Variants in RANBP2 observed in about 807,000 individuals in gnomAD.
RANBP2 encodes RAN binding protein 2.
Under a neutral mutation model 303.6 loss-of-function variants are expected in RANBP2, and 57 were observed. That is an observed-to-expected ratio of 0.19 (90% CI 0.15 to 0.23). The LOEUF (loss-of-function observed/expected upper bound fraction) is 0.23. Among genes scored for constraint, RANBP2 ranks in the 10% least tolerant of loss-of-function variants. RANBP2 has a pLI of 1.00. For missense variants in RANBP2, 3,138 were observed against 3,780.8 expected (o/e 0.83, Z 4.46); for synonymous variants, 1,167 against 1,301.5 (o/e 0.90, Z 2.23).
the RANBP2 span, among the ~76,000 whole-genome samples, chr2:109,723,543 A>G: frequency 3.3e-5 from 5 of 151,914 alleles, no homozygotes; most frequent in South Asian, 6.2e-4. Flanking sequence ...TTTTTTTCAT[A>G]TATTTGTTGG....
At chr2:109,479,810 A>G in the RANBP2 span, among the ~76,000 whole-genome samples, 4 of 152,270 alleles carry the variant, frequency 2.6e-5, no homozygotes, top group African/African-American at 7.2e-5. Context: ...CAGACCCCCA[A>G]AACCATCCAC....
the RANBP2 span, among the ~76,000 whole-genome samples, chr2:109,707,578 C>T: frequency 1.3e-5 from 2 of 152,198 alleles, no homozygotes; most frequent in East Asian, 3.9e-4. Flanking sequence ...CAGATTCCTC[C>T]ACCACCCGCC....
chr2:109,343,794 G>C, the RANBP2 span, among the ~76,000 whole-genome samples: 3 of 151,698 alleles, frequency 2.0e-5, no homozygotes, highest in Non-Finnish European at 4.4e-5. Context: ...ACCTAGGCTG[G>C]AGTGCAGTGG....
the RANBP2 span, among the ~76,000 whole-genome samples, chr2:109,322,165 G>A: frequency 6.6e-6 from 1 of 152,176 alleles, no homozygotes; most frequent in African/African-American, 2.4e-5. Context: ...GACAAGACAC[G>A]GATACACAGG....
At chr2:109,456,876 G>C in the RANBP2 span, among the ~76,000 whole-genome samples, 2 of 152,226 alleles carry the variant, frequency 1.3e-5, no homozygotes, top group Admixed American at 1.3e-4. Flanking sequence ...GGGGAGAATA[G>C]CCTAGGGCTC....
chr2:109,505,152 A>AT, the RANBP2 span, among the ~76,000 whole-genome samples: 1 of 152,072 alleles, frequency 6.6e-6, no homozygotes, highest in Non-Finnish European at 1.5e-5. Flanking sequence ...GGTGCAGGGA[A>AT]TCCCACCAAC....
the RANBP2 span, among the ~76,000 whole-genome samples, chr2:109,479,797 T>TCGCAGACCCCCAAAACCATC: frequency 2.0e-5 from 3 of 152,192 alleles, no homozygotes; most frequent in African/African-American, 7.2e-5. Context: ...TCTACGGGTT[T>TCGCAGACCCCCAAAACCATC]CGCAGACCCC....
chr2:109,332,077 G>A, the RANBP2 span, among the ~76,000 whole-genome samples: 2 of 152,180 alleles, frequency 1.3e-5, no homozygotes, highest in African/African-American at 4.8e-5. Context: ...GCATGTGTTT[G>A]CCAGTCTTTT....
chr2:109,354,684 C>T, the RANBP2 span, among the ~76,000 whole-genome samples: 1 of 152,250 alleles, frequency 6.6e-6, no homozygotes, highest in African/African-American at 2.4e-5. Context: ...CTCCGCCAGC[C>T]ACCTCCAGTG....
chr2:109,370,448 C>G, the RANBP2 span, among the ~76,000 whole-genome samples: 1 of 152,196 alleles, frequency 6.6e-6, no homozygotes, highest in Admixed American at 6.5e-5. Flanking sequence ...CCATATTGGT[C>G]AGGCTGGTCT....
chr2:108,790,549 A>G (rs1679737924), downstream of RANBP2, among the ~76,000 whole-genome samples: 1 of 152,062 alleles, frequency 6.6e-6, no homozygotes. Context: ...ATAGATAACA[A>G]AAATTAGCCG....
chr2:109,578,495 C>A, the RANBP2 span, among the ~76,000 whole-genome samples: 2 of 151,758 alleles, frequency 1.3e-5, no homozygotes, highest in African/African-American at 2.4e-5. Context: ...CCAGGCATGG[C>A]AGGCTCATGC....
At chr2:109,289,560 G>A in the RANBP2 span, among the ~76,000 whole-genome samples, 1 of 152,156 alleles carries the variant, frequency 6.6e-6, no homozygotes, top group African/African-American at 2.4e-5. Context: ...TGGGGACCAT[G>A]GTGTAGCACT....
At chr2:108,904,625 T>A in the RANBP2 span, among the ~76,000 whole-genome samples, 3 of 152,210 alleles carry the variant, frequency 2.0e-5, no homozygotes, top group African/African-American at 7.2e-5. Flanking sequence ...AGACTACTAC[T>A]CAGCAAGAGA....
the RANBP2 span, among the ~76,000 whole-genome samples, chr2:108,852,209 A>G: frequency 6.6e-6 from 1 of 152,208 alleles, no homozygotes; most frequent in African/African-American, 2.4e-5. Flanking sequence ...AGCTGCACAC[A>G]ATCAGTATGT....
the RANBP2 span, among the ~76,000 whole-genome samples, chr2:109,007,150 A>G: frequency 6.6e-6 from 1 of 152,252 alleles, no homozygotes; most frequent in African/African-American, 2.4e-5. Context: ...TGCAGAAGGA[A>G]CCGCAGAGAC....
At chr2:108,844,772 G>C in the RANBP2 span, among the ~76,000 whole-genome samples, 374 of 142,376 alleles carry the variant, frequency 2.6e-3, 3 homozygotes, top group South Asian at 0.041. Flanking sequence ...TTTTGAGACA[G>C]AGTCTTGCTC....
chr2:109,646,396 A>T, the RANBP2 span, among the ~76,000 whole-genome samples: 16 of 152,364 alleles, frequency 1.1e-4, no homozygotes, highest in African/African-American at 3.8e-4. Flanking sequence ...AAATGCAGAC[A>T]GGCTCTGACT....
the RANBP2 span, among the ~76,000 whole-genome samples, chr2:109,411,229 G>C: frequency 2.0e-5 from 3 of 152,198 alleles, no homozygotes; most frequent in African/African-American, 7.2e-5. Flanking sequence ...GTACATCCAG[G>C]CAGTGCGCAG....
Sources: gnomAD v4.1 joint callset for allele counts (sites outside exome capture counted in the v4.1 genomes callset) on GRCh38, gnomAD v4.1.1 for gene constraint, MANE v1.5 for transcripts, NCBI Gene and HGNC (gene_info 2026-07-23, HGNC 2026-07-21) for gene names.